The following STOX1 variants were observed in gnomAD, a reference collection of about 807,000 sequenced individuals.
STOX1 encodes storkhead box 1.
In STOX1, 57 loss-of-function variants were observed where a neutral mutation model predicts 74.8. That is an observed-to-expected ratio of 0.76 (90% CI 0.62 to 0.95). The LOEUF is 0.95. Among genes scored for constraint, STOX1 ranks in the 40% least tolerant of loss-of-function variants. The probability of loss-of-function intolerance (pLI) is 0.00; values close to 1 mark genes in which losing one functional copy is unlikely to be tolerated. For synonymous variants in STOX1, 375 were observed against 401.3 expected (o/e 0.93, Z 0.78); for missense variants, 1,010 against 1,117.0 (o/e 0.90, Z 1.37).
Position 68,886,127 on chromosome 10 carries a change from A to G in STOX1, c.2331A>G (p.Arg777=). The change falls in exon 3 of 4, where the codon AGA becomes AGG. Residue 777 remains arginine, a synonymous_variant. Coordinates refer to ENST00000298596, the MANE Select transcript of STOX1 (RefSeq NM_152709.5). ...TAGGAAAACAAAAAGTGATTGAGAG[A>G]TCTCTGACCGAGTACAACAGCACAA... is the stretch of plus-strand genomic sequence containing the variant. The part of the protein sequence containing the change: ...NHLGKQKVIE[R]SLTEYNSTME... The G allele has an allele frequency of 6.2e-6, 10 of 1,614,174 alleles. No homozygotes were observed. Among genetic ancestry groups the G allele is most frequent in the Non-Finnish European group, 8.5e-6 (10 of 1,180,024 alleles).
chr10:68,852,548 G>A (rs1389000448), intron 1 of STOX1, among the ~76,000 whole-genome samples: 4 of 151,332 alleles, frequency 2.6e-5, no homozygotes, highest in African/African-American at 7.3e-5. Context: ...ATGAGCCACC[G>A]CGCCTGGCCC....
chr10:68,859,709 A>G (rs1840212937), intron 1 of STOX1, among the ~76,000 whole-genome samples: 1 of 152,020 alleles, frequency 6.6e-6, no homozygotes, highest in Non-Finnish European at 1.5e-5. Context: ...CAGATTGTAG[A>G]AAGTCTTCTA....
At chr10:68,859,813 T>C (rs924145291) in intron 1 of STOX1, among the ~76,000 whole-genome samples, 1 of 151,980 alleles carries the variant, frequency 6.6e-6, no homozygotes, top group African/African-American at 2.4e-5. Flanking sequence ...GTCTGAGACT[T>C]GGGCCTTTGA....
At chr10:68,874,519 T>C (rs1158575218) in intron 1 of STOX1, among the ~76,000 whole-genome samples, 1 of 152,168 alleles carries the variant, frequency 6.6e-6, no homozygotes, top group African/African-American at 2.4e-5. Context: ...AACCTCCATA[T>C]ATTAATTTAT....
At chr10:68,879,048 C>G (rs1455523780) in intron 1 of STOX1, among the ~76,000 whole-genome samples, 1 of 152,122 alleles carries the variant, frequency 6.6e-6, no homozygotes, top group African/African-American at 2.4e-5. Flanking sequence ...GAATCAGAAT[C>G]CACGTTAGCA....
chr10:68,871,472 G>C (rs1840534663), intron 1 of STOX1, among the ~76,000 whole-genome samples: 1 of 152,232 alleles, frequency 6.6e-6, no homozygotes, highest in Non-Finnish European at 1.5e-5. Flanking sequence ...TCCTGCTGTT[G>C]AACAGCTCAT....
At chr10:68,880,219 C>T (rs975430699) in intron 1 of STOX1, among the ~76,000 whole-genome samples, 1 of 147,802 alleles carries the variant, frequency 6.8e-6, no homozygotes, top group South Asian at 2.1e-4. Flanking sequence ...GGGTCTCACC[C>T]TCACCTACGC....
At chr10:68,851,717 T>C (rs1340805711) in intron 1 of STOX1, among the ~76,000 whole-genome samples, 1 of 152,154 alleles carries the variant, frequency 6.6e-6, no homozygotes, top group African/African-American at 2.4e-5. Context: ...GGTGTGCACC[T>C]GTAATCCCAG....
rs563527579 is a variant in STOX1 at position 68,844,826 on chromosome 10, G to A, written c.310+16893G>A. Among the ~76,000 whole-genome samples, 5 of 151,268 alleles carry A rather than the reference G, an allele frequency of 3.3e-5. No homozygotes were observed. The East Asian group carries it at 7.9e-4, about 24-fold the overall frequency. Reference sequence around the variant, plus strand: ...CACCCAGGCTGGAGTGCAGTGGTGCGATCTCACCTCATTGTAACCTCCACC... The same window carrying A: ...CACCCAGGCTGGAGTGCAGTGGTGCAATCTCACCTCATTGTAACCTCCACC... On this transcript the variant is annotated intron_variant, in intron 1 of 3. Coordinates refer to ENST00000298596, the MANE Select transcript of STOX1 (RefSeq NM_152709.5).
At chr10:68,872,655 A>G (rs529920544) in intron 1 of STOX1, among the ~76,000 whole-genome samples, 6 of 152,152 alleles carry the variant, frequency 3.9e-5, no homozygotes, top group African/African-American at 2.4e-5. Context: ...TCTAGGATTC[A>G]TTTTTTTCTA....
At chr10:68,871,587 C>G (rs751105392) in intron 1 of STOX1, among the ~76,000 whole-genome samples, 2 of 152,160 alleles carry the variant, frequency 1.3e-5, no homozygotes, top group Non-Finnish European at 2.9e-5. Flanking sequence ...GAAAGAATTC[C>G]AGCTTCCATG....
intron 1 of STOX1, among the ~76,000 whole-genome samples, chr10:68,873,779 T>G (rs918248378): frequency 1.2e-4 from 18 of 151,006 alleles, no homozygotes; most frequent in African/African-American, 4.1e-4. Flanking sequence ...GCCTCTTTAG[T>G]AGCTGGGATT....
chr10:68,883,690 A>G (rs1338825034), intron 2 of STOX1, among the ~76,000 whole-genome samples: 3 of 151,348 alleles, frequency 2.0e-5, no homozygotes, highest in Non-Finnish European at 4.4e-5. Flanking sequence ...CTGGGATTAC[A>G]GGTGTGAGCC....
At chr10:68,883,345 A>AT (rs5785877) in intron 2 of STOX1, among the ~76,000 whole-genome samples, 1 of 151,868 alleles carries the variant, frequency 6.6e-6, no homozygotes, top group Non-Finnish European at 1.5e-5. Flanking sequence ...GTGAATTCAG[A>AT]TTTTTTTTGT....
At chr10:68,856,389 T>C (rs1168790799) in intron 1 of STOX1, among the ~76,000 whole-genome samples, 3 of 150,748 alleles carry the variant, frequency 2.0e-5, no homozygotes, top group Non-Finnish European at 3.0e-5. Context: ...GAGCTCTCCT[T>C]CTCCTTCTCC....
chr10:68,836,423 G>T (rs1165157187), intron 1 of STOX1, among the ~76,000 whole-genome samples: 1 of 152,198 alleles, frequency 6.6e-6, no homozygotes, highest in Non-Finnish European at 1.5e-5. Context: ...TTGTTCACTA[G>T]ACAAACCTGT....
chr10:68,883,353 T>G (rs1352168903), intron 2 of STOX1, among the ~76,000 whole-genome samples: 1 of 150,276 alleles, frequency 6.7e-6, no homozygotes, highest in East Asian at 2.0e-4. Flanking sequence ...AGATTTTTTT[T>G]GTCTATTTAC....
At chr10:68,893,759 G>A (rs142575367), downstream of STOX1, among the ~76,000 whole-genome samples, 1 of 152,334 alleles carries the variant, frequency 6.6e-6, no homozygotes, top group African/African-American at 2.4e-5. Flanking sequence ...AGATGGTGGA[G>A]ATAGAATGTG....
At chr10:68,848,458 T>C (rs1839905900) in intron 1 of STOX1, among the ~76,000 whole-genome samples, 1 of 152,104 alleles carries the variant, frequency 6.6e-6, no homozygotes, top group African/African-American at 2.4e-5. Context: ...TCAGGTTAGA[T>C]ATTTAAGAAG....
Sources: gnomAD v4.1 joint callset for allele counts (sites outside exome capture counted in the v4.1 genomes callset) on GRCh38, gnomAD v4.1.1 for gene constraint, MANE v1.5 for transcripts, NCBI Gene and HGNC (gene_info 2026-07-23, HGNC 2026-07-21) for gene names.